EMP1: variants seen among roughly 807,000 people sequenced by gnomAD.
The protein encoded by EMP1 is tumor-associated membrane protein.
In EMP1, 5 loss-of-function variants were observed where a neutral mutation model predicts 15.7. That is an observed-to-expected ratio of 0.32 (90% CI 0.17 to 0.67). The LOEUF is 0.67. Among genes scored for constraint, EMP1 ranks in the 30% least tolerant of loss-of-function variants. The probability of loss-of-function intolerance (pLI) is 0.74; values close to 1 mark genes in which losing one functional copy is unlikely to be tolerated. For missense variants in EMP1, 166 were observed against 194.2 expected (o/e 0.85, Z 0.86); for synonymous variants, 78 against 76.7 (o/e 1.02, Z -0.09).
At chr12:13,212,378 T>A (rs761554597) in intron 2 of EMP1, among the ~76,000 whole-genome samples, 7 of 152,178 alleles carry the variant, frequency 4.6e-5, no homozygotes, top group African/African-American at 1.4e-4. Context: ...AGGCAAACCA[T>A]GGTTTCAGAA....
Position 13,213,483 on chromosome 12 carries a change from G to C in EMP1, c.83G>C (p.Trp28Ser). The part of the protein sequence containing the change: ...MLFVSTIANV[W>S]LVSNTVDASV... ...TTTCTTTCCTTCTGGTTTCAGGTCT[G>C]GTTGGTTTCCAATACGGTAGATGCA... Residue 28 changes from tryptophan to serine, a missense_variant, in exon 3 of 5, where the codon TGG (tryptophan) becomes TCG (serine). By Grantham distance (177) the Trp-to-Ser change is radical. Coordinates refer to ENST00000256951, the MANE Select transcript of EMP1 (RefSeq NM_001423.3). 6.2e-7 allele frequency: 1 copy of C among 1,614,040 alleles called. No individual in the cohort carries two copies. Among genetic ancestry groups the C allele is most frequent in the South Asian group, 1.1e-5 (1 of 91,058 alleles).
intron 1 of EMP1, among the ~76,000 whole-genome samples, chr12:13,199,860 C>T (rs1864047871): frequency 6.6e-6 from 1 of 152,108 alleles, no homozygotes; most frequent in South Asian, 2.1e-4. Flanking sequence ...TGTTGCTCCA[C>T]CCAATGATTC....
Position 13,215,944 on chromosome 12 carries a change from C to A in EMP1, c.*1253C>A. ...TGCATTCCCAGGAAAATACGAAAAT[C>A]CCATGAGATAAATAAAAATATAGGT... On this transcript the variant is annotated 3_prime_UTR_variant, in exon 5 of 5. Transcript: ENST00000256951. 6.2e-6 allele frequency: 1 copy of A among 162,252 alleles called. No homozygotes were observed. Among genetic ancestry groups the A allele is most frequent in the Admixed American group, 5.9e-5 (1 of 17,086 alleles). 10.1% of individuals were successfully genotyped at this position (162,252 alleles called of 1,614,324 possible). A position where few individuals can be genotyped will look rare whatever the true frequency, so the allele number is the denominator to read the frequency against.
chr12:13,206,863 C>T (rs1225962317), intron 1 of EMP1, among the ~76,000 whole-genome samples: 1 of 151,984 alleles, frequency 6.6e-6, no homozygotes, highest in African/African-American at 2.4e-5. Context: ...TGTTAGGCTG[C>T]CTGAACAAAG....
intron 4 of EMP1, 192 bp from the exon 5 acceptor site, chr12:13,214,342 C>A: frequency 2.8e-6 from 2 of 722,010 alleles, no homozygotes; most frequent in Non-Finnish European, 4.4e-6. Flanking sequence ...AGAGCCCAGA[C>A]ACCTCTAATT....
rs150585782 is a variant in EMP1, at chr12:13,203,310, C to T, written c.-43+6438C>T. Among the ~76,000 whole-genome samples, 27 of 152,360 alleles carry T rather than the reference C, an allele frequency of 1.8e-4. No individual in the cohort carries two copies. The East Asian group carries it at 4.0e-3, about 23-fold the overall frequency. ...TTTGTCAAAAGCAGAAGGCAACTCA[C>T]GCTTCCGTCCTCGCCCAGGGAACAT... On this transcript the variant is annotated intron_variant, in intron 1 of 4. Transcript: ENST00000256951.
chr12:13,198,986 G>C (rs1284701285), intron 1 of EMP1, among the ~76,000 whole-genome samples: 1 of 147,752 alleles, frequency 6.8e-6, no homozygotes, highest in East Asian at 2.0e-4. Flanking sequence ...CTCAGGGGCA[G>C]ATCCAATTCC....
At chr12:13,210,719 G>A (rs1864157601) in intron 1 of EMP1, among the ~76,000 whole-genome samples, 1 of 152,208 alleles carries the variant, frequency 6.6e-6, no homozygotes, top group Admixed American at 6.5e-5. Context: ...TTGAGCTGTG[G>A]AAAATATGAC....
chr12:13,209,562 A>C (rs1361537429), intron 1 of EMP1: 1 of 152,200 alleles, frequency 6.6e-6, no homozygotes, highest in African/African-American at 2.4e-5. Context: ...TAATAACCGC[A>C]GCTAAAGCAA....
chr12:13,202,431 A>G (rs1413754793), intron 1 of EMP1, among the ~76,000 whole-genome samples: 1 of 152,196 alleles, frequency 6.6e-6, no homozygotes, highest in Non-Finnish European at 1.5e-5. Context: ...TCAAAGAATC[A>G]AAGACCCTTC....
rs551322995 is a variant in EMP1, at chr12:13,213,828, A to G, written c.316+7A>G. 2 of 1,613,642 alleles carry G rather than the reference A, an allele frequency of 1.2e-6. No homozygotes were observed. The highest frequency in any genetic ancestry group is 2.2e-5 in the East Asian group (1 of 44,888). ...GCCACCACACTGGTGTGCTGTGAGT[A>G]TCTCATGGGTAGACTCCAGTTTACA... On this transcript the variant is annotated splice_region_variant and intron_variant, in intron 4 of 4. Transcript: ENST00000256951.
At chr12:13,205,293 A>G (rs1009619407) in intron 1 of EMP1, among the ~76,000 whole-genome samples, 4 of 152,192 alleles carry the variant, frequency 2.6e-5, no homozygotes, top group Admixed American at 1.3e-4. Flanking sequence ...GCATTCACTT[A>G]TTTCCTCTTG....
At position 13,212,979 on chromosome 12, in the gene EMP1, A is replaced by G. The variant is rs1429952118; in HGVS notation, c.79-500A>G. 2.0e-5 allele frequency among the ~76,000 whole-genome samples: 3 copies of G among 152,364 alleles called. No homozygotes were observed. In the East Asian group the frequency reaches 5.8e-4, roughly 29 times the overall value. ...CAAGTTTGATCCTTCTGTTTAGATG[A>G]AAGTGGCTTATTAACCACTAGATTC... On this transcript the variant is annotated intron_variant, in intron 2 of 4. Coordinates refer to ENST00000256951, the MANE Select transcript of EMP1 (RefSeq NM_001423.3).
chr12:13,207,332 C>T (rs565489952), intron 1 of EMP1, among the ~76,000 whole-genome samples: 2 of 152,256 alleles, frequency 1.3e-5, no homozygotes, highest in South Asian at 2.1e-4. Context: ...AGGATGATCT[C>T]GAACTCCCTC....
chr12:13,205,359 C>G (rs1457611917), intron 1 of EMP1, among the ~76,000 whole-genome samples: 1 of 152,104 alleles, frequency 6.6e-6, no homozygotes, highest in African/African-American at 2.4e-5. Context: ...ACTCAGGAAA[C>G]AGTCACATAT....
rs117929896 is a variant in EMP1 at position 13,208,690 on chromosome 12, C to T, written c.-42-2779C>T. Reference sequence around the variant, plus strand: ...GAGAACTGTGTGTTTTGCACAAGACCGCTTGCTAACTCAAGACATTTTGCT... The same window carrying T: ...GAGAACTGTGTGTTTTGCACAAGACTGCTTGCTAACTCAAGACATTTTGCT... On this transcript the variant is annotated intron_variant, in intron 1 of 4. Transcript: ENST00000256951. 3.7e-3 allele frequency among the ~76,000 whole-genome samples: 561 copies of T among 152,312 alleles called. 3 individuals carry two copies. The highest frequency in any genetic ancestry group is 6.3e-3 in the Admixed American group (97 of 15,294).
rs554148363 is a variant in EMP1 at position 13,213,795 on chromosome 12, T to C, written c.290T>C (p.Leu97Pro). ...FTMEKGNRFF[L>P]SGATTLVCWL... The stretch of plus-strand genomic sequence containing the variant: ...ATGGAGAAGGGAAACCGGTTCTTCC[T>C]CTCAGGGGCCACCACACTGGTGTGC... Residue 97 changes from leucine to proline, a missense_variant, in exon 4 of 5, where the codon CTC becomes CCC. Physicochemically the swap from Leu to Pro is moderately conservative, Grantham distance 98. Coordinates refer to ENST00000256951, the MANE Select transcript of EMP1 (RefSeq NM_001423.3). 6.2e-7 allele frequency: 1 copy of C among 1,614,160 alleles called. No homozygotes were observed. The highest frequency in any genetic ancestry group is 1.6e-4 in the Middle Eastern group (1 of 6,062).
At position 13,216,329 on chromosome 12, in the gene EMP1, G is replaced by GATTATTACTAATTCTATTTCTCTA; in HGVS notation, c.*1639_*1662dup. On this transcript the variant is annotated 3_prime_UTR_variant, in exon 5 of 5. Transcript: ENST00000256951. Reference sequence around the variant, plus strand: ...ATGATTTTTGGTATTTATGTAAAAGGATTATTACTAATTCTATTTCTCTAT... The same window carrying GATTATTACTAATTCTATTTCTCTA: ...ATGATTTTTGGTATTTATGTAAAAGGATTATTACTAATTCTATTTCTCTAATTATTACTAATTCTATTTCTCTAT... 1 of 698,602 alleles carries GATTATTACTAATTCTATTTCTCTA rather than the reference G, an allele frequency of 1.4e-6. No homozygotes were observed. The highest frequency in any genetic ancestry group is 2.6e-6 in the Non-Finnish European group (1 of 383,478). The allele number at this position is 698,602 out of a possible 1,614,324, so 43.3% of individuals were successfully genotyped here. A position where few individuals can be genotyped will look rare whatever the true frequency, so the allele number is the denominator to read the frequency against.
At chr12:13,206,214 A>T (rs1431536425) in intron 1 of EMP1, among the ~76,000 whole-genome samples, 1 of 152,116 alleles carries the variant, frequency 6.6e-6, no homozygotes, top group African/African-American at 2.4e-5. Flanking sequence ...AAGATAGGAC[A>T]TTTGGCAGTG....
Sources: allele counts gnomAD v4.1 joint callset (sites outside exome capture counted in the v4.1 genomes callset), GRCh38; gene constraint gnomAD v4.1.1; transcripts MANE v1.5; gene names NCBI Gene and HGNC (gene_info 2026-07-23, HGNC 2026-07-21).